The following SSR1 variants were observed in gnomAD, a reference collection of about 807,000 sequenced individuals.
SSR1 encodes the protein translocon-associated protein subunit alpha.
SSR1 carries 13 observed loss-of-function variants against 36.1 expected under a neutral mutation model. That is an observed-to-expected ratio of 0.36 (90% CI 0.23 to 0.57). The LOEUF is 0.57. Ranked by LOEUF, SSR1 falls within the 20% of genes least tolerant of loss-of-function variation. The pLI, the probability that SSR1 is intolerant of heterozygous loss-of-function variation, is 0.81. For synonymous variants in SSR1, 113 were observed against 118.9 expected, an observed-to-expected ratio of 0.95 and a Z score of 0.32; for missense variants, 291 against 338.5, an observed-to-expected ratio of 0.86 and a Z score of 1.10.
At chr6:7,307,103 C>T (rs1758085349) in intron 2 of SSR1, among the ~76,000 whole-genome samples, 1 of 152,200 alleles carries the variant, frequency 6.6e-6, no homozygotes, top group African/African-American at 2.4e-5. Context: ...TTCCATATCT[C>T]CCAATCCCTT....
At chr6:7,298,332 G>C (rs1757847932) in intron 5 of SSR1, among the ~76,000 whole-genome samples, 1 of 152,096 alleles carries the variant, frequency 6.6e-6, no homozygotes, top group South Asian at 2.1e-4. Flanking sequence ...ATTACCTTAA[G>C]TGAATTATAT....
At chr6:7,291,507 A>G (rs1757680446) in intron 7 of SSR1, among the ~76,000 whole-genome samples, 1 of 152,182 alleles carries the variant, frequency 6.6e-6, no homozygotes. Context: ...AACTGCTCTC[A>G]CTACTTCATT....
In SSR1 at chr6:7,286,867, G is replaced by T. The variant is rs761675830; in HGVS notation, c.*2997C>A. The T allele has an allele frequency of 3.1e-5, 4 of 129,480 alleles. No homozygotes were observed. Among genetic ancestry groups the T allele is most frequent in the African/African-American group, 1.2e-4 (4 of 33,170 alleles). 8.0% of individuals were successfully genotyped at this position (129,480 alleles called of 1,614,324 possible). A position where few individuals can be genotyped will look rare whatever the true frequency, so the allele number is the denominator to read the frequency against. ...GCAGAAGTTGCAGTGAGCCGAGATCGCACCACTGCACTCCAGCCTGGGTGA... is the reference window on the plus strand; with the variant it reads ...GCAGAAGTTGCAGTGAGCCGAGATCTCACCACTGCACTCCAGCCTGGGTGA... On this transcript the variant is annotated 3_prime_UTR_variant, in exon 8 of 8. Coordinates refer to ENST00000244763, the MANE Select transcript of SSR1 (RefSeq NM_003144.5).
rs995506730 is a variant in SSR1 at position 7,287,875 on chromosome 6, G to C, written c.*1989C>G. 2 of 152,326 alleles carry C rather than the reference G, an allele frequency of 1.3e-5. No homozygotes were observed. The highest frequency in any genetic ancestry group is 4.8e-5 in the African/African-American group (2 of 41,328). 9.4% of individuals were successfully genotyped at this position (152,326 alleles called of 1,614,324 possible). On this transcript the variant is annotated 3_prime_UTR_variant, in exon 8 of 8. Transcript: ENST00000244763. ...CTAAATACTTACTGATGCTAGAGCAGACCCCTGGCATCTGAGGATTTAAGA... is the reference window on the plus strand; with the variant it reads ...CTAAATACTTACTGATGCTAGAGCACACCCCTGGCATCTGAGGATTTAAGA...
At position 7,287,963 on chromosome 6, in the gene SSR1, C is replaced by T. The variant is rs1340515440; in HGVS notation, c.*1901G>A. On this transcript the variant is annotated 3_prime_UTR_variant, in exon 8 of 8. Coordinates refer to ENST00000244763, the MANE Select transcript of SSR1 (RefSeq NM_003144.5). The stretch of plus-strand genomic sequence containing the variant: ...TGACAAATAATAAATTCTACATTTC[C>T]GAGGCACTAATTTGAACTTCAGAAG... 1 of 152,112 alleles carries T rather than the reference C, an allele frequency of 6.6e-6. No homozygotes were observed. The highest frequency in any genetic ancestry group is 1.5e-5 in the Non-Finnish European group (1 of 68,006). 9.4% of individuals were successfully genotyped at this position (152,112 alleles called of 1,614,324 possible).
At chr6:7,308,663 C>G (rs536098054) in intron 2 of SSR1, among the ~76,000 whole-genome samples, 1 of 152,128 alleles carries the variant, frequency 6.6e-6, no homozygotes, top group Non-Finnish European at 1.5e-5. Context: ...TCTTCTCTAA[C>G]CCCCTTATTC....
rs1245513766 is a variant in SSR1 at position 7,298,804 on chromosome 6, G to A, written c.563C>T (p.Ala188Val). The A allele has an allele frequency of 1.2e-6, 2 of 1,612,772 alleles. No homozygotes were observed. Among genetic ancestry groups the A allele is most frequent in the Non-Finnish European group, 1.7e-6 (2 of 1,179,510 alleles). The change falls in exon 5 of 8, where the codon GCA (alanine) becomes GTA (valine). Residue 188 changes from alanine (A) to valine (V), a missense_variant. Ala to Val is a moderately conservative substitution (Grantham distance 64). Transcript: ENST00000244763. The part of the protein sequence containing the change: ...KDLNGNVFQD[A>V]VFNQTVTVIE... ...AACTGTAACTGTTTGATTGAAGACT[G>A]CATCTTGGAATACATTGCCCTGTTT...
rs1311438183 is a variant in SSR1, at chr6:7,281,863, A to C, written c.*8001T>G. 6.6e-6 allele frequency: 1 copy of C among 152,256 alleles called. No homozygotes were observed. The highest frequency in any genetic ancestry group is 6.5e-5 in the Admixed American group (1 of 15,282). The allele number at this position is 152,256 out of a possible 1,614,324, so 9.4% of individuals were successfully genotyped here. A position where few individuals can be genotyped will look rare whatever the true frequency, so the allele number is the denominator to read the frequency against. ...GTCACAGGCAGTTAGAATGGCGTTA[A>C]GGAAACCATTTAGGTCTAAAAATCA... On this transcript the variant is annotated 3_prime_UTR_variant, in exon 8 of 8. Transcript: ENST00000244763.
At chr6:7,298,674 C>T in intron 5 of SSR1, 73 bp downstream of exon 5, 1 of 1,155,790 alleles carries the variant, frequency 8.7e-7, no homozygotes, top group Non-Finnish European at 1.3e-6. Flanking sequence ...TAAAACAATG[C>T]TGAAACAGAG....
intron 4 of SSR1, among the ~76,000 whole-genome samples, chr6:7,299,741 G>A (rs546950445): frequency 1.3e-5 from 2 of 151,632 alleles, no homozygotes; most frequent in South Asian, 4.2e-4. Flanking sequence ...CATAATAAAT[G>A]GGATGGTCAC....
intron 2 of SSR1, among the ~76,000 whole-genome samples, chr6:7,306,228 T>G (rs539752700): frequency 2.0e-5 from 3 of 152,206 alleles, no homozygotes; most frequent in African/African-American, 7.2e-5. Flanking sequence ...CTGTAAGCTC[T>G]GCCTCCCAGG....
chr6:7,298,176 A>G (rs1757845031), intron 5 of SSR1, among the ~76,000 whole-genome samples, 175 bp from the exon 6 acceptor site: 1 of 152,216 alleles, frequency 6.6e-6, no homozygotes, highest in African/African-American at 2.4e-5. Flanking sequence ...AATTACCTTT[A>G]AGAGCAATTA....
chr6:7,292,756 T>G (rs1335661481), intron 7 of SSR1, among the ~76,000 whole-genome samples: 4 of 152,278 alleles, frequency 2.6e-5, no homozygotes, highest in Admixed American at 2.6e-4. Flanking sequence ...GAGTCAAAAG[T>G]TGTTAGCATA....
In SSR1 at chr6:7,288,237, A is replaced by T. The variant is rs1192661967; in HGVS notation, c.*1627T>A. On this transcript the variant is annotated 3_prime_UTR_variant, in exon 8 of 8. Coordinates refer to ENST00000244763, the MANE Select transcript of SSR1 (RefSeq NM_003144.5). ...GAATGTGAAGGGTCTCCTATATTAC[A>T]TTAAACAAAAAACCATGCAGTTACT... 2 of 152,244 alleles carry T rather than the reference A, an allele frequency of 1.3e-5. No homozygotes were observed. Among genetic ancestry groups the T allele is most frequent in the Non-Finnish European group, 2.9e-5 (2 of 68,044 alleles). The allele number at this position is 152,244 out of a possible 1,614,324, so 9.4% of individuals were successfully genotyped here.
Position 7,301,413 on chromosome 6 carries a change from G to A in SSR1, c.440C>T (p.Pro147Leu). 1.2e-6 allele frequency: 2 copies of A among 1,614,116 alleles called. No individual in the cohort carries two copies. The highest frequency in any genetic ancestry group is 1.6e-4 in the Middle Eastern group (1 of 6,062). Residue 147 changes from proline to leucine, a missense_variant, in exon 4 of 8, where the codon CCA (proline) becomes CTA (leucine). By Grantham distance (98) the Pro-to-Leu change is moderately conservative. Coordinates refer to ENST00000244763, the MANE Select transcript of SSR1 (RefSeq NM_003144.5). ...FTALPLNTVV[P>L]PQRQATFEYS... ...CTCAAAAGTTGCCTGTCTCTGGGGT[G>A]GCACTACAGTGTTCAGAGGAAGAGC... is the stretch of plus-strand genomic sequence containing the variant.
At chr6:7,306,109 G>A (rs1183367515) in intron 2 of SSR1, among the ~76,000 whole-genome samples, 2 of 152,186 alleles carry the variant, frequency 1.3e-5, no homozygotes, top group Admixed American at 6.5e-5. Flanking sequence ...TGAGCCATTT[G>A]AATATATCAT....
intron 1 of SSR1, among the ~76,000 whole-genome samples, chr6:7,311,989 A>C (rs1758204373): frequency 6.6e-6 from 1 of 152,214 alleles, no homozygotes; most frequent in Admixed American, 6.5e-5. Flanking sequence ...CAGTTGTTTA[A>C]TTCTCCCACT....
intron 3 of SSR1, among the ~76,000 whole-genome samples, chr6:7,302,859 C>A (rs1311316753): frequency 6.6e-6 from 1 of 152,060 alleles, no homozygotes; most frequent in Non-Finnish European, 1.5e-5. Context: ...TGACAAAGGG[C>A]CAGACGCGGT....
chr6:7,288,457 TAAAC>T lies in SSR1; in HGVS notation c.*1403_*1406del, dbSNP rs940501340. On this transcript the variant is annotated 3_prime_UTR_variant, in exon 8 of 8. Coordinates refer to ENST00000244763, the MANE Select transcript of SSR1 (RefSeq NM_003144.5). ...GCTTTGGCTCAGATGTTTAAATACT[TAAAC>T]AGTTTGGAAAGACTTTTTTCTGTGT... The T allele has an allele frequency of 6.6e-6, 1 of 152,530 alleles. No homozygotes were observed. Among genetic ancestry groups the T allele is most frequent in the Admixed American group, 6.5e-5 (1 of 15,286 alleles). The allele number at this position is 152,530 out of a possible 1,614,324, so 9.4% of individuals were successfully genotyped here. A position where few individuals can be genotyped will look rare whatever the true frequency, so the allele number is the denominator to read the frequency against.
Sources: gnomAD v4.1 joint callset for allele counts (sites outside exome capture counted in the v4.1 genomes callset) on GRCh38, gnomAD v4.1.1 for gene constraint, MANE v1.5 for transcripts, NCBI Gene and HGNC (gene_info 2026-07-23, HGNC 2026-07-21) for gene names.